The following MARCHF7 variants were observed in gnomAD, a reference collection of about 807,000 sequenced individuals.
MARCHF7 encodes the protein membrane associated ring-CH-type finger 7.
MARCHF7 carries 20 observed loss-of-function variants against 76.5 expected under a neutral mutation model. The ratio of observed to expected loss-of-function variants is 0.26; its 90% CI spans 0.18 to 0.38. The LOEUF is 0.38. Among genes scored for constraint, MARCHF7 ranks in the 10% least tolerant of loss-of-function variants. MARCHF7 has a pLI of 1.00. For synonymous variants in MARCHF7, 295 were observed against 293.0 expected (o/e 1.01, Z -0.07); for missense variants, 797 against 812.9 (o/e 0.98, Z 0.24).
At chr2:159,717,081 A>T (rs1029497577) in intron 3 of MARCHF7, among the ~76,000 whole-genome samples, 4 of 152,190 alleles carry the variant, frequency 2.6e-5, no homozygotes, top group Non-Finnish European at 1.5e-5. Context: ...GTGTTGGTGG[A>T]CATATAGGCC....
chr2:159,732,370 T>A (rs1036197349), intron 4 of MARCHF7, among the ~76,000 whole-genome samples: 9 of 152,232 alleles, frequency 5.9e-5, no homozygotes, highest in Admixed American at 1.3e-4. Flanking sequence ...TTTTAGTTGC[T>A]TTAAGTTGCT....
intron 3 of MARCHF7, among the ~76,000 whole-genome samples, chr2:159,726,224 GTTTTGTTTT>G (rs767647226): frequency 0.14 from 10,720 of 74,806 alleles, 484 homozygotes; most frequent in South Asian, 0.25. Context: ...TACAGGTTTT[GTTTTGTTTT>G]GTTTTGTTTT....
chr2:159,751,449 G>A (rs1053644082), intron 7 of MARCHF7, among the ~76,000 whole-genome samples: 4 of 152,134 alleles, frequency 2.6e-5, no homozygotes, highest in Admixed American at 2.6e-4. Context: ...AAAGTTAAAG[G>A]TAAAATGTAA....
intron 3 of MARCHF7, among the ~76,000 whole-genome samples, chr2:159,725,252 C>T (rs1340428479): frequency 6.6e-6 from 1 of 152,190 alleles, no homozygotes; most frequent in Non-Finnish European, 1.5e-5. Flanking sequence ...CTTGAGGAAT[C>T]GCCACACTGT....
Position 159,759,418 on chromosome 2 carries a change from G to C in MARCHF7, c.1893+83G>C, listed in dbSNP as rs957229967. The C allele has an allele frequency of 1.4e-4, 82 of 605,498 alleles. No homozygotes were observed. The East Asian group carries it at 2.3e-3, about 17-fold the overall frequency. 37.5% of individuals were successfully genotyped at this position (605,498 alleles called of 1,614,324 possible). ...TGAAGAAAAGATTAAATCATGGTCA[G>C]AAACCTTGCATTAAAATAATAATAA... is the stretch of plus-strand genomic sequence containing the variant. On this transcript the variant is annotated intron_variant, in intron 9 of 11. Transcript: ENST00000409175.
intron 4 of MARCHF7, 47 bp downstream of exon 4, chr2:159,729,222 C>A: frequency 7.2e-7 from 1 of 1,394,492 alleles, no homozygotes; most frequent in South Asian, 1.5e-5. Context: ...TTTCAAAATC[C>A]CTAGGGCCAC....
intron 3 of MARCHF7, among the ~76,000 whole-genome samples, chr2:159,718,885 A>G (rs1701316529): frequency 6.6e-6 from 1 of 152,228 alleles, no homozygotes; most frequent in South Asian, 2.1e-4. Flanking sequence ...TCTGGAAAAC[A>G]GTAAATAAAT....
At chr2:159,742,085 G>A (rs1240071586) in intron 4 of MARCHF7, among the ~76,000 whole-genome samples, 1 of 152,168 alleles carries the variant, frequency 6.6e-6, no homozygotes, top group Non-Finnish European at 1.5e-5. Flanking sequence ...ACAAATTAAA[G>A]AATTGGAGAG....
rs1705138642 is a variant in MARCHF7, at chr2:159,748,222, C to T, written c.932C>T (p.Ser311Phe). The T allele has an allele frequency of 6.2e-7, 1 of 1,613,916 alleles. No homozygotes were observed. The change falls in exon 7 of 12, where the codon TCT (serine) becomes TTT (phenylalanine). Residue 311 changes from serine (S) to phenylalanine (F), a missense_variant. Around this residue, in one of 3 missense-constraint regions of MARCHF7, gnomAD observed 643 missense variants for 631.5 expected, o/e 1.02. Transcript: ENST00000409175. ...QDSLNTRSLN[S>F]ENSYVSPRIL... ...TCCTTGAATACAAGATCATTGAATT[C>T]TGAAAATTCTTACGTTTCTCCAAGA...
At position 159,748,498 on chromosome 2, in the gene MARCHF7, G is replaced by C. The variant is rs150144842; in HGVS notation, c.1208G>C (p.Arg403Pro). 29 of 1,614,054 alleles carry C rather than the reference G, an allele frequency of 1.8e-5. No homozygotes were observed. The African/African-American group carries it at 3.9e-4, about 22-fold the overall frequency. ...ACACCTTTGTTCTCTAGAAGGAGGCGAGAGGGAAGAGATGAATCTTCAAGG... is the reference window on the plus strand; with the variant it reads ...ACACCTTTGTTCTCTAGAAGGAGGCCAGAGGGAAGAGATGAATCTTCAAGG... ...RCTPLFSRRR[R>P]EGRDESSRIP... The change falls in exon 7 of 12, where the codon CGA becomes CCA. Residue 403 changes from arginine to proline, a missense_variant. By Grantham distance (103) the Arg-to-Pro change is moderately radical. Around this residue, in one of 3 missense-constraint regions of MARCHF7, gnomAD observed 643 missense variants for 631.5 expected, o/e 1.02. Coordinates refer to ENST00000409175, the MANE Select transcript of MARCHF7 (RefSeq NM_001282805.2).
chr2:159,722,539 G>A (rs945386724), intron 3 of MARCHF7, among the ~76,000 whole-genome samples: 4 of 152,172 alleles, frequency 2.6e-5, no homozygotes, highest in African/African-American at 9.7e-5. Flanking sequence ...ATCTCAGAAC[G>A]TTTAGTGTTG....
chr2:159,759,177 A>G, intron 8 of MARCHF7, 49 bp from the exon 9 acceptor site: 1 of 990,872 alleles, frequency 1.0e-6, no homozygotes, highest in Non-Finnish European at 1.6e-6. Flanking sequence ...AAAGTGTTTT[A>G]TGAAGACATT....
intron 4 of MARCHF7, 67 bp from the exon 5 acceptor site, chr2:159,742,994 G>T: frequency 7.5e-7 from 1 of 1,326,562 alleles, no homozygotes; most frequent in Non-Finnish European, 1.0e-6. Context: ...TTTATTAGAG[G>T]ACTGTGGGTT....
chr2:159,755,142 A>G (rs1706135914), intron 8 of MARCHF7, among the ~76,000 whole-genome samples: 1 of 152,182 alleles, frequency 6.6e-6, no homozygotes, highest in African/African-American at 2.4e-5. Flanking sequence ...GACCTCAGGA[A>G]GTGTATAGTG....
At chr2:159,752,774 A>G (rs760736003) in intron 8 of MARCHF7, among the ~76,000 whole-genome samples, 2 of 152,126 alleles carry the variant, frequency 1.3e-5, no homozygotes, top group Admixed American at 1.3e-4. Context: ...TTTCCTACCA[A>G]ACTGTTTACT....
chr2:159,764,303 G>GGGTTTTT (rs1707500326), intron 10 of MARCHF7, among the ~76,000 whole-genome samples: 1 of 150,192 alleles, frequency 6.7e-6, no homozygotes, highest in South Asian at 2.1e-4. Flanking sequence ...ATACAAGGGT[G>GGGTTTTT]GTTTTTTGTT....
At chr2:159,730,887 T>C (rs1702704687) in intron 4 of MARCHF7, among the ~76,000 whole-genome samples, 1 of 150,970 alleles carries the variant, frequency 6.6e-6, no homozygotes, top group African/African-American at 2.4e-5. Context: ...TTGTTTTTGA[T>C]TGTTTGTTTG....
At chr2:159,724,603 A>G (rs1701963880) in intron 3 of MARCHF7, among the ~76,000 whole-genome samples, 1 of 152,152 alleles carries the variant, frequency 6.6e-6, no homozygotes, top group East Asian at 1.9e-4. Flanking sequence ...TCTCATTTTA[A>G]CAAGTATATG....
At chr2:159,767,224 A>G (rs1215132098) in intron 11 of MARCHF7, 60 bp from the exon 12 acceptor site, 3 of 1,211,594 alleles carry the variant, frequency 2.5e-6, no homozygotes, top group Non-Finnish European at 3.6e-6. Flanking sequence ...CTTCATATTT[A>G]CACTTCCCAT....
Sources: allele counts gnomAD v4.1 joint callset (sites outside exome capture counted in the v4.1 genomes callset), GRCh38; gene constraint gnomAD v4.1.1; regional missense constraint gnomAD v4.1.1; transcripts MANE v1.5; gene names NCBI Gene and HGNC (gene_info 2026-07-23, HGNC 2026-07-21).